The following KLHL36 variants were observed in gnomAD, a reference collection of about 807,000 sequenced individuals.
KLHL36 encodes the protein kelch-like protein 36.
A neutral mutation model predicts 53.3 loss-of-function variants in KLHL36; 35 were observed. The observed-to-expected ratio is 0.66, with a 90% CI of 0.50 to 0.87. KLHL36 has a LOEUF of 0.87. Ranked by LOEUF, KLHL36 falls within the 40% of genes least tolerant of loss-of-function variation. The pLI is 0.00. For synonymous variants in KLHL36, 472 were observed against 398.9 expected (o/e 1.18, Z -2.18); for missense variants, 864 against 897.6 (o/e 0.96, Z 0.48).
chr16:84,656,764 C>T lies in KLHL36; in HGVS notation c.64-107C>T, dbSNP rs1907225516. Reference sequence around the variant, plus strand: ...GCCCTCTGATGCAGCATTTTATTTCCTGTTTTCTTCAGTTTCATTTTGTTG... The same window carrying T: ...GCCCTCTGATGCAGCATTTTATTTCTTGTTTTCTTCAGTTTCATTTTGTTG... On this transcript the variant is annotated intron_variant, in intron 2 of 4. Coordinates refer to ENST00000564996, the MANE Select transcript of KLHL36 (RefSeq NM_024731.4). 1.6e-5 allele frequency: 12 copies of T among 766,398 alleles called. No homozygotes were observed. The South Asian group carries it at 2.1e-4, about 13-fold the overall frequency. 47.5% of individuals were successfully genotyped at this position (766,398 alleles called of 1,614,324 possible).
At chr16:84,649,532 G>A (rs1248726067) in intron 1 of KLHL36, among the ~76,000 whole-genome samples, 1 of 152,124 alleles carries the variant, frequency 6.6e-6, no homozygotes, top group African/African-American at 2.4e-5. Context: ...TCCGCGGTGG[G>A]CACCGCACCA....
rs200455055 is a variant in KLHL36, at chr16:84,661,864, C to G, written c.1582C>G (p.Arg528Gly). 5.0e-6 allele frequency: 8 copies of G among 1,600,520 alleles called. No individual in the cohort carries two copies. Among genetic ancestry groups the G allele is most frequent in the African/African-American group, 2.7e-5 (2 of 74,792 alleles). ...CAGCCCGCAGTGCAACCAGTGGACC[C>G]GCGTGGCGCCGCTGCTGCACGCCAA... Reference protein sequence around the residue: ...AYSPQCNQWTRVAPLLHANSE... With the variant: ...AYSPQCNQWTGVAPLLHANSE... The change falls in exon 5 of 5, where the codon CGC becomes GGC. Residue 528 changes from arginine (R) to glycine (G), a missense_variant. Physicochemically the swap from Arg to Gly is moderately radical, Grantham distance 125. Transcript: ENST00000564996. This position sits in a 1 kb window ranked among gnomAD's most constrained non-coding sequence, Gnocchi z 7.9.
At chr16:84,651,135 A>G (rs1484469928) in intron 2 of KLHL36, among the ~76,000 whole-genome samples, 1 of 152,142 alleles carries the variant, frequency 6.6e-6, no homozygotes, top group Non-Finnish European at 1.5e-5. Flanking sequence ...TAGAGACGCT[A>G]TGGCCAGATG....
intron 3 of KLHL36, chr16:84,658,155 G>A (rs1393919708): frequency 1.7e-5 from 8 of 476,392 alleles, no homozygotes; most frequent in African/African-American, 9.9e-5. Context: ...GTCCGTCATC[G>A]TTCAGAGCAG....
Position 84,657,730 on chromosome 16 carries a change from G to A in KLHL36, c.923G>A (p.Cys308Tyr). The A allele has an allele frequency of 1.9e-6, 3 of 1,612,488 alleles. No individual in the cohort carries two copies. Among genetic ancestry groups the A allele is most frequent in the Non-Finnish European group, 1.7e-6 (2 of 1,179,706 alleles). ...GTGGGCGGCGAGGTCTCCGAGCGGT[G>A]TCTGGAGCTCAGTGACGACACCTGC... ...LFVGGEVSERCLELSDDTCYL... is the reference protein window; with the variant it reads ...LFVGGEVSERYLELSDDTCYL... The change falls in exon 3 of 5, where the codon TGT becomes TAT. Residue 308 changes from cysteine (C) to tyrosine (Y), a missense_variant. Transcript: ENST00000564996.
chr16:84,649,638 T>C (rs1906709129), intron 1 of KLHL36, among the ~76,000 whole-genome samples: 1 of 152,248 alleles, frequency 6.6e-6, no homozygotes, highest in Admixed American at 6.5e-5. Context: ...GTTTCTAGTT[T>C]GTCGAGAGGA....
chr16:84,655,913 G>A (rs1252318577), intron 2 of KLHL36, among the ~76,000 whole-genome samples: 1 of 151,850 alleles, frequency 6.6e-6, no homozygotes, highest in Admixed American at 6.6e-5. Flanking sequence ...TTTATTTAGA[G>A]ACAGGGTTTC....
chr16:84,661,451 G>T lies in KLHL36; in HGVS notation c.1296-127G>T. 1 of 879,276 alleles carries T rather than the reference G, an allele frequency of 1.1e-6. No homozygotes were observed. The highest frequency in any genetic ancestry group is 1.7e-6 in the Non-Finnish European group (1 of 572,674). 54.5% of individuals were successfully genotyped at this position (879,276 alleles called of 1,614,324 possible). On this transcript the variant is annotated intron_variant, in intron 4 of 4. Coordinates refer to ENST00000564996, the MANE Select transcript of KLHL36 (RefSeq NM_024731.4). This position sits in a 1 kb window ranked among gnomAD's most constrained non-coding sequence, Gnocchi z 7.9. Reference sequence around the variant, plus strand: ...GCTACTGTCTATAGAGTGTTCATGGGGTGCCCACTCCCTATATTCTTAAAT... The same window carrying T: ...GCTACTGTCTATAGAGTGTTCATGGTGTGCCCACTCCCTATATTCTTAAAT...
rs1597231057 is a variant in KLHL36 at position 84,667,554 on chromosome 16, C to A, written c.*5421C>A. On this transcript the variant is annotated 3_prime_UTR_variant, in exon 5 of 5. Coordinates refer to ENST00000564996, the MANE Select transcript of KLHL36 (RefSeq NM_024731.4). ...GAAACACATTAAAATAATTTGCTTG[C>A]TAGGGTATGGTTTATTTTATAATTA... 6.6e-6 allele frequency: 1 copy of A among 152,106 alleles called. No homozygotes were observed. The highest frequency in any genetic ancestry group is 1.5e-5 in the Non-Finnish European group (1 of 68,028). 9.4% of individuals were successfully genotyped at this position (152,106 alleles called of 1,614,324 possible).
At position 84,659,659 on chromosome 16, in the gene KLHL36, G is replaced by A. The variant is rs749898908; in HGVS notation, c.1138-101G>A. 245 of 1,205,744 alleles carry A rather than the reference G, an allele frequency of 2.0e-4. No individual in the cohort carries two copies. The highest frequency in any genetic ancestry group is 2.5e-4 in the Non-Finnish European group (215 of 844,406). 74.7% of individuals were successfully genotyped at this position (1,205,744 alleles called of 1,614,324 possible). A position where few individuals can be genotyped will look rare whatever the true frequency, so the allele number is the denominator to read the frequency against. On this transcript the variant is annotated intron_variant, in intron 3 of 4. Coordinates refer to ENST00000564996, the MANE Select transcript of KLHL36 (RefSeq NM_024731.4). ...CAGTTCCCTTTCCCAAACATTCTCC[G>A]GGGTTGTGCATTCCGCAGACACATT...
At position 84,667,148 on chromosome 16, in the gene KLHL36, G is replaced by C. The variant is rs540487659; in HGVS notation, c.*5015G>C. Reference sequence around the variant, plus strand: ...AATGTACACATTTCGGTAGTGGGGGGGCAGAGCGGATAACCCCTTCCTTGT... The same window carrying C: ...AATGTACACATTTCGGTAGTGGGGGCGCAGAGCGGATAACCCCTTCCTTGT... On this transcript the variant is annotated 3_prime_UTR_variant, in exon 5 of 5. Transcript: ENST00000564996. 2.0e-5 allele frequency: 3 copies of C among 152,130 alleles called. No individual in the cohort carries two copies. Among genetic ancestry groups the C allele is most frequent in the African/African-American group, 4.8e-5 (2 of 41,410 alleles). The allele number at this position is 152,130 out of a possible 1,614,324, so 9.4% of individuals were successfully genotyped here.
intron 2 of KLHL36, among the ~76,000 whole-genome samples, chr16:84,655,341 T>C (rs1235263508): frequency 6.6e-6 from 1 of 152,178 alleles, no homozygotes; most frequent in Non-Finnish European, 1.5e-5. Flanking sequence ...TAAAACCCAC[T>C]GCTGTAGGAC....
chr16:84,663,721 AT>A lies in KLHL36; in HGVS notation c.*1589del, dbSNP rs1265289711. ...AGATTGATATTAGACTAGGAAAAAAATCTTAGTTAACTTTAATTTCCATTTC... is the reference window on the plus strand; with the variant it reads ...AGATTGATATTAGACTAGGAAAAAAACTTAGTTAACTTTAATTTCCATTTC... On this transcript the variant is annotated 3_prime_UTR_variant, in exon 5 of 5. Transcript: ENST00000564996. The A allele has an allele frequency of 6.6e-6, 1 of 152,234 alleles. No homozygotes were observed. Among genetic ancestry groups the A allele is most frequent in the Admixed American group, 6.5e-5 (1 of 15,282 alleles). 9.4% of individuals were successfully genotyped at this position (152,234 alleles called of 1,614,324 possible). A position where few individuals can be genotyped will look rare whatever the true frequency, so the allele number is the denominator to read the frequency against.
chr16:84,650,911 A>G lies in KLHL36; in HGVS notation c.44A>G (p.Lys15Arg), dbSNP rs747525666. The change falls in exon 2 of 5, where the codon AAG (lysine) becomes AGG (arginine). Residue 15 changes from lysine (K) to arginine (R), a missense_variant. By Grantham distance (26) the Lys-to-Arg change is conservative. Coordinates refer to ENST00000564996, the MANE Select transcript of KLHL36 (RefSeq NM_024731.4). ...CAGACGCGAGTGTCTCGGCCATACA[A>G]GATCAGCGAATCATCAAAGGTCTGT... ...SRQTRVSRPY[K>R]ISESSKVYRW... is the part of the protein sequence containing the mutation. The G allele has an allele frequency of 2.0e-5, 33 of 1,611,862 alleles. No homozygotes were observed. The East Asian group carries it at 4.9e-4, about 24-fold the overall frequency.
chr16:84,658,293 A>G (rs1461812043), intron 3 of KLHL36: 1 of 201,904 alleles, frequency 5.0e-6, no homozygotes, highest in Non-Finnish European at 9.8e-6. Flanking sequence ...GTCAATTTTC[A>G]ATTTTATTTC....
At position 84,659,802 on chromosome 16, in the gene KLHL36, T is replaced by C; in HGVS notation, c.1180T>C (p.Ser394Pro). Residue 394 changes from serine (S) to proline (P), a missense_variant, in exon 4 of 5, where the codon TCC becomes CCC. Physicochemically the swap from Ser to Pro is moderately conservative, Grantham distance 74. Transcript: ENST00000564996. ...GCGCCGTGTGGATTTCTACCTTGCC[T>C]CCATCGAAGACATGCTGGTGGCCAT... ...NQRRVDFYLASIEDMLVAIGG... is the reference protein window; with the variant it reads ...NQRRVDFYLAPIEDMLVAIGG... 6.2e-7 allele frequency: 1 copy of C among 1,614,134 alleles called. No homozygotes were observed. The highest frequency in any genetic ancestry group is 8.5e-7 in the Non-Finnish European group (1 of 1,180,010).
chr16:84,666,110 G>C lies in KLHL36; in HGVS notation c.*3977G>C, dbSNP rs1459794836. The C allele has an allele frequency of 6.6e-6, 1 of 152,218 alleles. No homozygotes were observed. Among genetic ancestry groups the C allele is most frequent in the East Asian group, 1.9e-4 (1 of 5,204 alleles). The allele number at this position is 152,218 out of a possible 1,614,324, so 9.4% of individuals were successfully genotyped here. ...ATAAATGCCTGGAGTATAGGGCAGC[G>C]CCACGGGCACTTGGAGACCCTGTCC... On this transcript the variant is annotated 3_prime_UTR_variant, in exon 5 of 5. Transcript: ENST00000564996.
intron 2 of KLHL36, among the ~76,000 whole-genome samples, chr16:84,652,838 A>G (rs909465798): frequency 5.3e-5 from 8 of 152,158 alleles, no homozygotes; most frequent in African/African-American, 1.7e-4. Flanking sequence ...TGCTGCATGT[A>G]GTTGGTAGTG....
At position 84,659,429 on chromosome 16, in the gene KLHL36, G is replaced by A. The variant is rs1223549544; in HGVS notation, c.1138-331G>A. On this transcript the variant is annotated intron_variant, in intron 3 of 4. Transcript: ENST00000564996. Reference sequence around the variant, plus strand: ...GAATTTTTATTTCATAAAGCCACTAGATCAGCAATTCTGACCCCTGTGACC... The same window carrying A: ...GAATTTTTATTTCATAAAGCCACTAAATCAGCAATTCTGACCCCTGTGACC... 1.6e-4 allele frequency: 42 copies of A among 266,752 alleles called. No individual in the cohort carries two copies. The South Asian group carries it at 2.7e-3, about 17-fold the overall frequency. The allele number at this position is 266,752 out of a possible 1,614,324, so 16.5% of individuals were successfully genotyped here.
Sources: allele counts gnomAD v4.1 joint callset (sites outside exome capture counted in the v4.1 genomes callset), GRCh38; gene constraint gnomAD v4.1.1; non-coding constraint Gnocchi (gnomAD v3.1); transcripts MANE v1.5; gene names NCBI Gene and HGNC (gene_info 2026-07-23, HGNC 2026-07-21).